The following ABCA13 variants were observed in gnomAD, a reference collection of about 807,000 sequenced individuals.
ABCA13 encodes the protein ATP binding cassette subfamily A member 13, also known as ATP-binding cassette sub-family A member 13.
A neutral mutation model predicts 478.7 loss-of-function variants in ABCA13; 476 were observed. That is an observed-to-expected ratio of 0.99 (90% confidence interval 0.92 to 1.07). The LOEUF is 1.07. Ranked by LOEUF, ABCA13 falls within the 50% of genes least tolerant of loss-of-function variation. The probability of loss-of-function intolerance (pLI) is 0.00; values close to 1 mark genes in which losing one functional copy is unlikely to be tolerated. For missense variants in ABCA13, 6,060 were observed against 5,910.6 expected (o/e 1.03, Z -0.83); for synonymous variants, 2,252 against 2,158.9 (o/e 1.04, Z -1.20).
chr7:48,274,922 T>G lies in ABCA13; in HGVS notation c.5256T>G (p.His1752Gln). 2.5e-6 allele frequency: 4 copies of G among 1,613,932 alleles called. No homozygotes were observed. Among genetic ancestry groups the G allele is most frequent in the Non-Finnish European group, 3.4e-6 (4 of 1,179,828 alleles). ...TAGATGTGTACTATGTGCTTCCTCA[T>G]GCTGTAAGGCTCCTGCAGGGAGTAC... Reference protein sequence around the residue: ...AVIDVYYVLPHAVRLLQGVPG... With the variant: ...AVIDVYYVLPQAVRLLQGVPG... Residue 1752 changes from histidine to glutamine, a missense_variant, in exon 17 of 62, where the codon CAT becomes CAG. Physicochemically the swap from His to Gln is conservative, Grantham distance 24. Transcript: ENST00000435803.
At chr7:48,415,594 T>A (rs1366222545) in intron 41 of ABCA13, among the ~76,000 whole-genome samples, 1 of 152,148 alleles carries the variant, frequency 6.6e-6, no homozygotes, top group Non-Finnish European at 1.5e-5. Flanking sequence ...ACAGGAAGAG[T>A]GGGTGTTCCC....
intron 42 of ABCA13, among the ~76,000 whole-genome samples, chr7:48,432,966 T>A (rs60449227): frequency 6.6e-6 from 1 of 152,020 alleles, no homozygotes; most frequent in Non-Finnish European, 1.5e-5. Context: ...AGATGAGTTT[T>A]CTCATCACAA....
Position 48,511,106 on chromosome 7 carries a change from G to T in ABCA13, c.13547G>T (p.Cys4516Phe), listed in dbSNP as rs752960676. Residue 4516 changes from cysteine to phenylalanine, a missense_variant, in exon 51 of 62, where the codon TGC (cysteine) becomes TTC (phenylalanine). Cys to Phe is a radical substitution (Grantham distance 205). Coordinates refer to ENST00000435803, the MANE Select transcript of ABCA13 (RefSeq NM_152701.5). ...YDMLFYLVSV[C>F]LCVAVIVAFQ... ...CAGCTCTTTTACTTGGTTTCCGTCT[G>T]CCTGTGTGTTGCCGTTATTGTCGCC... is the stretch of plus-strand genomic sequence containing the variant. The T allele has an allele frequency of 3.1e-6, 5 of 1,613,432 alleles. No homozygotes were observed. In the East Asian group the frequency reaches 6.7e-5, roughly 22 times the overall value.
chr7:48,630,026 A>AG (rs1794036390), intron 59 of ABCA13, among the ~76,000 whole-genome samples: 1 of 152,092 alleles, frequency 6.6e-6, no homozygotes, highest in Non-Finnish European at 1.5e-5. Flanking sequence ...ATTTTGTTCT[A>AG]CTTTTCCTTT....
chr7:48,174,651 T>C (rs1794601618), intron 1 of ABCA13, among the ~76,000 whole-genome samples: 1 of 152,134 alleles, frequency 6.6e-6, no homozygotes, highest in South Asian at 2.1e-4. Context: ...GTAAAAACAG[T>C]ACTAAAACAA....
Position 48,412,410 on chromosome 7 carries a change from A to G in ABCA13, c.12286A>G (p.Lys4096Glu). The G allele has an allele frequency of 6.2e-7, 1 of 1,613,524 alleles. No homozygotes were observed. Residue 4096 changes from lysine to glutamate, a missense_variant, in exon 41 of 62, where the codon AAG (lysine) becomes GAG (glutamate). Physicochemically the swap from Lys to Glu is moderately conservative, Grantham distance 56. Coordinates refer to ENST00000435803, the MANE Select transcript of ABCA13 (RefSeq NM_152701.5). The stretch of plus-strand genomic sequence containing the variant: ...CATGGCTTGTGTTACATCCCTGATA[A>G]AGATCTATATTCCACAAGCATTTCT... ...KDMACVTSLI[K>E]IYIPQAFLKD...
intron 59 of ABCA13, among the ~76,000 whole-genome samples, chr7:48,637,306 G>A (rs988409169): frequency 1.4e-5 from 2 of 143,478 alleles, no homozygotes; most frequent in Non-Finnish European, 3.0e-5. Flanking sequence ...TTCTCTATGG[G>A]CAGCACTCAT....
chr7:48,215,327 A>G (rs1786282556), intron 3 of ABCA13, among the ~76,000 whole-genome samples: 1 of 152,130 alleles, frequency 6.6e-6, no homozygotes, highest in African/African-American at 2.4e-5. Context: ...AATACACACA[A>G]TATTTATTGA....
intron 33 of ABCA13, among the ~76,000 whole-genome samples, chr7:48,372,857 A>C (rs1812873678): frequency 6.6e-6 from 1 of 152,238 alleles, no homozygotes; most frequent in South Asian, 2.1e-4. Flanking sequence ...TTTTTCTTGA[A>C]ACATTATGAA....
Position 48,237,579 on chromosome 7 carries a change from C to T in ABCA13, c.898-1662C>T, listed in dbSNP as rs541089462. ...AATCTGCAAAGGTGGTTTCACAGGG[C>T]CCTTTCCATCTGCATCAGCCTGTGA... On this transcript the variant is annotated intron_variant, in intron 8 of 61. Transcript: ENST00000435803. 9.8e-5 allele frequency among the ~76,000 whole-genome samples: 15 copies of T among 152,314 alleles called. 1 individual carries two copies. Among genetic ancestry groups the T allele is most frequent in the African/African-American group, 3.6e-4 (15 of 41,570 alleles).
At chr7:48,556,873 A>G (rs1267800825) in intron 55 of ABCA13, among the ~76,000 whole-genome samples, 3 of 151,784 alleles carry the variant, frequency 2.0e-5, no homozygotes, top group Non-Finnish European at 4.4e-5. Context: ...GCATCTTCTC[A>G]TCTTTCTTTT....
chr7:48,520,176 T>C lies in ABCA13; in HGVS notation c.13933T>C (p.Tyr4645His), dbSNP rs767513428. Residue 4645 changes from tyrosine (Y) to histidine (H), a missense_variant, in exon 53 of 62, where the codon TAT becomes CAT. Coordinates refer to ENST00000435803, the MANE Select transcript of ABCA13 (RefSeq NM_152701.5). ...DLTHNFGIDS[Y>H]VSPFEMNFLG... ...GACCCACAACTTCGGCATTGATTCC[T>C]ATGTGAGTCCCTTTGAGATGAACTT... 6.2e-7 allele frequency: 1 copy of C among 1,613,824 alleles called. No individual in the cohort carries two copies. The highest frequency in any genetic ancestry group is 8.5e-7 in the Non-Finnish European group (1 of 1,179,824).
intron 44 of ABCA13, among the ~76,000 whole-genome samples, chr7:48,469,057 T>C (rs1376390622): frequency 6.6e-6 from 1 of 152,244 alleles, no homozygotes; most frequent in African/African-American, 2.4e-5. Context: ...TCCTACTATT[T>C]CTAACACAAA....
intron 29 of ABCA13, among the ~76,000 whole-genome samples, chr7:48,348,829 A>G (rs1409665790): frequency 6.6e-6 from 1 of 152,222 alleles, no homozygotes; most frequent in Non-Finnish European, 1.5e-5. Flanking sequence ...TGAATTCTGG[A>G]TCATGTAATT....
intron 8 of ABCA13, among the ~76,000 whole-genome samples, chr7:48,235,347 C>T (rs895748877): frequency 8.5e-5 from 13 of 152,102 alleles, no homozygotes; most frequent in Admixed American, 7.2e-4. Context: ...CTTTATAACC[C>T]CGTTTTCTCA....
At chr7:48,590,272 T>TAC (rs3031438) in intron 57 of ABCA13, among the ~76,000 whole-genome samples, 8,171 of 149,192 alleles carry the variant, frequency 0.055, 237 homozygotes, top group East Asian at 0.083. Flanking sequence ...AATATTTCAT[T>TAC]ACACACACAC....
At chr7:48,609,222 A>G (rs888387925) in intron 58 of ABCA13, among the ~76,000 whole-genome samples, 2 of 152,142 alleles carry the variant, frequency 1.3e-5, no homozygotes, top group African/African-American at 4.8e-5. Flanking sequence ...TTTATTTCTC[A>G]TATAATTATT....
chr7:48,580,074 C>T (rs1161252882), intron 55 of ABCA13, 150 bp from the exon 56 acceptor site: 8 of 878,756 alleles, frequency 9.1e-6, no homozygotes, highest in Middle Eastern at 3.5e-4. Context: ...GTATTCTTCA[C>T]GTCTCATGAA....
At position 48,276,041 on chromosome 7, in the gene ABCA13, C is replaced by CA; in HGVS notation, c.6376dup (p.Thr2126AsnfsTer11). On this transcript the variant is annotated frameshift_variant, in exon 17 of 62. Transcript: ENST00000435803. LOFTEE classifies it high-confidence loss of function. ...AAATTATTGAAGATTTTCTATTGGT[C>CA]ACAAAAAACTGGCTTCAGGAATATG... The CA allele has an allele frequency of 6.2e-7, 1 of 1,608,192 alleles. No homozygotes were observed. Among genetic ancestry groups the CA allele is most frequent in the Non-Finnish European group, 8.5e-7 (1 of 1,177,058 alleles).
Sources: gnomAD v4.1 joint callset for allele counts (sites outside exome capture counted in the v4.1 genomes callset) on GRCh38, gnomAD v4.1.1 for gene constraint, MANE v1.5 for transcripts, NCBI Gene and HGNC (gene_info 2026-07-23, HGNC 2026-07-21) for gene names.